The following HTR4 variants were observed in gnomAD, a reference collection of about 807,000 sequenced individuals.
The protein encoded by HTR4 is 5-hydroxytryptamine receptor 4, also known as 5-hydroxytryptamine (serotonin) receptor 4, G protein-coupled.
HTR4 carries 16 observed loss-of-function variants against 36.8 expected under a neutral mutation model. The ratio of observed to expected loss-of-function variants is 0.43; its 90% CI spans 0.29 to 0.66. HTR4 has a LOEUF of 0.66. Ranked by LOEUF, HTR4 falls within the 30% of genes least tolerant of loss-of-function variation. HTR4 has a pLI of 0.13. For synonymous variants in HTR4, 189 were observed against 185.1 expected (o/e 1.02, Z -0.17); for missense variants, 438 against 490.9 (o/e 0.89, Z 1.02).
intron 5 of HTR4, among the ~76,000 whole-genome samples, chr5:148,511,650 TG>T (rs1757505372): frequency 6.6e-6 from 1 of 151,872 alleles, no homozygotes; most frequent in Non-Finnish European, 1.5e-5. Context: ...TGTGTGTGTG[TG>T]TGTGTGTATT....
chr5:148,497,784 A>G (rs1041044950), intron 6 of HTR4, among the ~76,000 whole-genome samples: 2 of 152,358 alleles, frequency 1.3e-5, no homozygotes, highest in Middle Eastern at 6.8e-3. Context: ...AACCTCTTAG[A>G]ATTCCACACA....
intron 4 of HTR4, among the ~76,000 whole-genome samples, chr5:148,538,439 T>C (rs1758937151): frequency 6.6e-6 from 1 of 152,118 alleles, no homozygotes; most frequent in Admixed American, 6.6e-5. Flanking sequence ...AACTATGCTT[T>C]TTTTTGAAGA....
downstream of HTR4, among the ~76,000 whole-genome samples, chr5:148,477,773 G>A (rs1003287517): frequency 2.8e-4 from 43 of 151,050 alleles, no homozygotes; most frequent in African/African-American, 8.5e-4. Flanking sequence ...CTTTTTTTTC[G>A]CATTAATTAG....
chr5:148,540,571 C>T (rs944774707), intron 4 of HTR4, among the ~76,000 whole-genome samples: 21 of 150,884 alleles, frequency 1.4e-4, no homozygotes, highest in African/African-American at 4.1e-4. Flanking sequence ...AGTTGTGTTT[C>T]GATGTCTGAA....
chr5:148,534,509 C>A (rs1211677718), intron 4 of HTR4, among the ~76,000 whole-genome samples: 3 of 152,178 alleles, frequency 2.0e-5, no homozygotes, highest in Admixed American at 1.3e-4. Context: ...CAACTCAGGA[C>A]CTCCCGGGAC....
At chr5:148,484,792 T>A (rs1470265510) in intron 6 of HTR4, among the ~76,000 whole-genome samples, 2 of 152,252 alleles carry the variant, frequency 1.3e-5, no homozygotes, top group African/African-American at 4.8e-5. Context: ...CTTTTGTTCA[T>A]CCTTGATTCA....
downstream of HTR4, among the ~76,000 whole-genome samples, chr5:148,476,031 C>A (rs1373099714): frequency 6.6e-6 from 1 of 152,202 alleles, no homozygotes; most frequent in African/African-American, 2.4e-5. Flanking sequence ...TTACAAATGG[C>A]AAAACTTTAG....
At chr5:148,509,321 A>G (rs1747950062) in intron 6 of HTR4, 135 bp downstream of exon 6, 1 of 645,370 alleles carries the variant, frequency 1.5e-6, no homozygotes, top group East Asian at 2.8e-5. Context: ...ATGACCAGAT[A>G]GTAGAATCTT....
At chr5:148,629,254 A>T (rs992329540) in intron 2 of HTR4, 59 of 152,310 alleles carry the variant, frequency 3.9e-4, no homozygotes, top group African/African-American at 1.3e-3. Flanking sequence ...TGTTGATACT[A>T]AAATTCATCA....
downstream of HTR4, among the ~76,000 whole-genome samples, chr5:148,473,692 A>G (rs1355032819): frequency 6.6e-6 from 1 of 152,120 alleles, no homozygotes. Flanking sequence ...CAGCGCAAAA[A>G]CACTTGTCAA....
intron 5 of HTR4, among the ~76,000 whole-genome samples, chr5:148,517,635 C>CAA (rs3041923): frequency 2.8e-5 from 4 of 142,492 alleles, no homozygotes; most frequent in African/African-American, 7.5e-5. Context: ...TCTAATTTTT[C>CAA]AAAAAAAAAA....
chr5:148,599,218 G>A (rs566873266), intron 2 of HTR4, among the ~76,000 whole-genome samples: 4 of 152,222 alleles, frequency 2.6e-5, no homozygotes, highest in African/African-American at 9.6e-5. Flanking sequence ...AAGGGCAAAA[G>A]CAGAGTTTGA....
At chr5:148,465,432 C>T (rs1327983814) in intron 5 of HTR4, among the ~76,000 whole-genome samples, 1 of 152,034 alleles carries the variant, frequency 6.6e-6, no homozygotes, top group Non-Finnish European at 1.5e-5. Flanking sequence ...TAAAAAGTAC[C>T]TTATTTAGTC....
chr5:148,485,100 T>A (rs1422830669), intron 6 of HTR4, among the ~76,000 whole-genome samples: 1 of 152,028 alleles, frequency 6.6e-6, no homozygotes, highest in African/African-American at 2.4e-5. Context: ...GAATTTCTCA[T>A]CTCTCATTGG....
At chr5:148,570,072 A>G (rs938009144) in intron 2 of HTR4, among the ~76,000 whole-genome samples, 3 of 152,106 alleles carry the variant, frequency 2.0e-5, no homozygotes, top group Admixed American at 2.0e-4. Flanking sequence ...CAAATAGGTC[A>G]TACACAAGAG....
chr5:148,510,114 G>GAAAA, intron 5 of HTR4, 90 bp from the exon 6 acceptor site: 1 of 791,052 alleles, frequency 1.3e-6, no homozygotes, highest in Non-Finnish European at 2.0e-6. Flanking sequence ...GGAAGAGTGT[G>GAAAA]AGAAAAGAAA....
intron 2 of HTR4, among the ~76,000 whole-genome samples, chr5:148,562,517 T>C (rs1760260143): frequency 6.6e-6 from 1 of 152,176 alleles, no homozygotes. Flanking sequence ...TCTGAGGATC[T>C]CTTAAATCCC....
chr5:148,476,119 A>G (rs1295262690), downstream of HTR4, among the ~76,000 whole-genome samples: 1 of 152,246 alleles, frequency 6.6e-6, no homozygotes, highest in East Asian at 1.9e-4. Flanking sequence ...ATTTTATGAC[A>G]TCTTTCAAAG....
At chr5:148,581,645 G>T (rs770496783) in intron 2 of HTR4, among the ~76,000 whole-genome samples, 1 of 151,956 alleles carries the variant, frequency 6.6e-6, no homozygotes, top group Non-Finnish European at 1.5e-5. Flanking sequence ...TTAATTGACC[G>T]TATATGTGTG....
Sources: gnomAD v4.1 joint callset for allele counts (sites outside exome capture counted in the v4.1 genomes callset) on GRCh38, gnomAD v4.1.1 for gene constraint, MANE v1.5 for transcripts, NCBI Gene and HGNC (gene_info 2026-07-23, HGNC 2026-07-21) for gene names.